The following RASGRF1 variants were observed in gnomAD, a reference collection of about 807,000 sequenced individuals.
RASGRF1 encodes Ras protein specific guanine nucleotide releasing factor 1.
In RASGRF1, 40 loss-of-function variants were observed where a neutral mutation model predicts 138.7. The ratio of observed to expected loss-of-function variants is 0.29; its 90% CI spans 0.22 to 0.38. RASGRF1 has a LOEUF of 0.38. Ranked by LOEUF, RASGRF1 falls within the 10% of genes least tolerant of loss-of-function variation. The probability of loss-of-function intolerance (pLI) is 1.00; values close to 1 mark genes in which losing one functional copy is unlikely to be tolerated. For missense variants in RASGRF1, 1,108 were observed against 1,650.4 expected (o/e 0.67, Z 5.69); for synonymous variants, 614 against 663.2 (o/e 0.93, Z 1.14).
chr15:78,962,244 A>T lies in RASGRF1; in HGVS notation c.3682-8T>A. On this transcript the variant is annotated splice_region_variant and splice_polypyrimidine_tract_variant and intron_variant, in intron 26 of 26. Transcript: ENST00000558480. ...CAGTAAATATTGCGTTACCTGAGAA[A>T]AGAAAAGAGAAAAGGGAATGGGAGG... 4.6e-6 allele frequency: 7 copies of T among 1,516,702 alleles called. No individual in the cohort carries two copies. The highest frequency in any genetic ancestry group is 6.3e-6 in the Non-Finnish European group (7 of 1,108,296). 94.0% of individuals were successfully genotyped at this position (1,516,702 alleles called of 1,614,324 possible).
intron 1 of RASGRF1, among the ~76,000 whole-genome samples, chr15:79,078,066 T>C (rs1416843822): frequency 6.6e-6 from 1 of 152,068 alleles, no homozygotes; most frequent in Admixed American, 6.5e-5. Context: ...GGCCCACAGG[T>C]GCTGTGCTTC....
intron 12 of RASGRF1, among the ~76,000 whole-genome samples, chr15:79,015,983 G>C (rs920112218): frequency 6.6e-6 from 1 of 152,210 alleles, no homozygotes; most frequent in Admixed American, 6.5e-5. Context: ...GAGGGGCACA[G>C]ATGATTGTAC....
chr15:78,996,024 C>T (rs1284996681), intron 19 of RASGRF1, among the ~76,000 whole-genome samples: 1 of 152,198 alleles, frequency 6.6e-6, no homozygotes, highest in Admixed American at 6.5e-5. Flanking sequence ...CCCTGGGCTT[C>T]CTGCATCTGG....
chr15:78,995,883 C>T (rs1183298822), intron 19 of RASGRF1, 83 bp from the exon 20 acceptor site: 3 of 1,340,574 alleles, frequency 2.2e-6, no homozygotes, highest in Admixed American at 3.4e-5. Context: ...CACACGGCCT[C>T]TGCTCTTACG....
At chr15:78,978,760 G>A (rs932312457) in intron 24 of RASGRF1, 5 of 1,116,896 alleles carry the variant, frequency 4.5e-6, no homozygotes, top group South Asian at 4.5e-5. Context: ...GAGGGGGTGC[G>A]GGAAGCATTT....
At chr15:79,057,882 G>A (rs569260155) in intron 3 of RASGRF1, among the ~76,000 whole-genome samples, 169 of 152,318 alleles carry the variant, frequency 1.1e-3, no homozygotes, top group African/African-American at 4.0e-3. Context: ...GGAAGGGGCT[G>A]CCTTGGAGTT....
intron 1 of RASGRF1, among the ~76,000 whole-genome samples, chr15:79,074,794 T>C (rs900615248): frequency 6.6e-6 from 1 of 152,160 alleles, no homozygotes; most frequent in Admixed American, 6.5e-5. Context: ...CAAGACTTGG[T>C]GAACCACTTC....
chr15:79,027,068 G>A lies in RASGRF1; in HGVS notation c.1381+673C>T, dbSNP rs1326117551. ...ACTCTGGAGGTCCGTTTGAGGTGGA[G>A]GTCACCTGTGAGGCATGCCAGCAGG... On this transcript the variant is annotated intron_variant, in intron 9 of 26. Coordinates refer to ENST00000558480, the MANE Select transcript of RASGRF1 (RefSeq NM_001145648.3). The surrounding 1 kb of genome is among the most constrained non-coding windows in gnomAD (Gnocchi z 4.8). 6.6e-6 allele frequency among the ~76,000 whole-genome samples: 1 copy of A among 152,192 alleles called. No individual in the cohort carries two copies. The highest frequency in any genetic ancestry group is 1.5e-5 in the Non-Finnish European group (1 of 68,024).
chr15:78,971,967 T>A, intron 25 of RASGRF1, 33 bp from the exon 26 acceptor site: 1 of 1,529,366 alleles, frequency 6.5e-7, no homozygotes, highest in Non-Finnish European at 9.1e-7. Context: ...CAGAATGCAG[T>A]TTGCTCTCCT....
intron 2 of RASGRF1, among the ~76,000 whole-genome samples, chr15:79,060,190 A>G (rs1251810035): frequency 2.6e-5 from 4 of 152,152 alleles, no homozygotes; most frequent in Non-Finnish European, 5.9e-5. Context: ...GATGATGTTG[A>G]CTATTCTAAG....
Position 78,993,372 on chromosome 15 carries a change from AGT to A in RASGRF1, c.3028-1580_3028-1579del, listed in dbSNP as rs144031196. Among the ~76,000 whole-genome samples, 16 of 127,716 alleles carry A rather than the reference AGT, an allele frequency of 1.3e-4. No individual in the cohort carries two copies. In the South Asian group the frequency reaches 1.5e-3, roughly 12 times the overall value. The allele number at this position is 127,716 out of a possible 152,430, so 83.8% of individuals were successfully genotyped here. Reference sequence around the variant, plus strand: ...TGTGTGGTGTGTGTTTGGTGTGTGTAGTGTGTGTGTGTGGGTGTGTGTGTGTG... The same window carrying A: ...TGTGTGGTGTGTGTTTGGTGTGTGTAGTGTGTGTGTGGGTGTGTGTGTGTG... On this transcript the variant is annotated intron_variant, in intron 20 of 26. Transcript: ENST00000558480.
intron 19 of RASGRF1, among the ~76,000 whole-genome samples, chr15:78,996,719 C>T (rs532215259): frequency 0.01 from 568 of 56,794 alleles, 7 homozygotes; most frequent in African/African-American, 0.039. Flanking sequence ...CCACGAGTGG[C>T]GGCTGTGTGT....
chr15:79,048,989 T>C (rs1567576317), intron 4 of RASGRF1, among the ~76,000 whole-genome samples: 1 of 152,194 alleles, frequency 6.6e-6, no homozygotes, highest in Non-Finnish European at 1.5e-5. Context: ...GCTTCTGAGA[T>C]GTCTGTCCCT....
In RASGRF1 at chr15:78,995,092, T is replaced by C. The variant is rs536459819; in HGVS notation, c.3027+648A>G. Among the ~76,000 whole-genome samples, 3 of 151,758 alleles carry C rather than the reference T, an allele frequency of 2.0e-5. No homozygotes were observed. In the East Asian group the frequency reaches 5.8e-4, roughly 29 times the overall value. ...ACAGGCATGCGCCACCATGCCCGGG[T>C]AATTTTTTGTATTTTTGGTAGAGAC... On this transcript the variant is annotated intron_variant, in intron 20 of 26. Coordinates refer to ENST00000558480, the MANE Select transcript of RASGRF1 (RefSeq NM_001145648.3).
Position 79,004,186 on chromosome 15 carries a change from G to A in RASGRF1, c.2076-11C>T. The A allele has an allele frequency of 6.4e-7, 1 of 1,552,238 alleles. No individual in the cohort carries two copies. Among genetic ancestry groups the A allele is most frequent in the Admixed American group, 1.8e-5 (1 of 54,738 alleles). Reference sequence around the variant, plus strand: ...AGGAGCTCCAGCGACCTGTGGGGAGGGCGGGGGTGAAAATGACAGTTAGCG... The same window carrying A: ...AGGAGCTCCAGCGACCTGTGGGGAGAGCGGGGGTGAAAATGACAGTTAGCG... On this transcript the variant is annotated splice_polypyrimidine_tract_variant and intron_variant, in intron 14 of 26. Transcript: ENST00000558480.
At chr15:79,012,795 G>A (rs2056821168) in intron 13 of RASGRF1, among the ~76,000 whole-genome samples, 1 of 152,106 alleles carries the variant, frequency 6.6e-6, no homozygotes, top group South Asian at 2.1e-4. Context: ...TGATGCTCTC[G>A]CCTCAGCCTT....
chr15:78,979,389 G>A (rs2055966311), intron 24 of RASGRF1: 1 of 281,738 alleles, frequency 3.5e-6, no homozygotes, highest in Non-Finnish European at 7.0e-6. Flanking sequence ...CTCAGGGTCT[G>A]GGGGTAGTAA....
chr15:78,997,591 C>G (rs186420095), intron 19 of RASGRF1, among the ~76,000 whole-genome samples: 1 of 152,050 alleles, frequency 6.6e-6, no homozygotes, highest in Non-Finnish European at 1.5e-5. Flanking sequence ...AAAAAATTAG[C>G]TGGGCGTGGT....
intron 1 of RASGRF1, 48 bp downstream of exon 1, chr15:79,090,175 G>C (rs1298981208): frequency 6.5e-7 from 1 of 1,533,266 alleles, no homozygotes; most frequent in East Asian, 2.4e-5. Context: ...TGAGCCCCCA[G>C]GGCCGCGGCC....
Sources: gnomAD v4.1 joint callset for allele counts (sites outside exome capture counted in the v4.1 genomes callset) on GRCh38, gnomAD v4.1.1 for gene constraint, Gnocchi (gnomAD v3.1) non-coding constraint, MANE v1.5 for transcripts, NCBI Gene and HGNC (gene_info 2026-07-23, HGNC 2026-07-21) for gene names.